Variants in HERC2 observed in about 807,000 individuals in gnomAD.
HERC2 encodes the protein E3 ubiquitin-protein ligase HERC2.
A neutral mutation model predicts 537.7 loss-of-function variants in HERC2; 102 were observed. The ratio of observed to expected loss-of-function variants is 0.19; its 90% CI spans 0.16 to 0.22. The LOEUF is 0.22. Among genes scored for constraint, HERC2 ranks in the 10% least tolerant of loss-of-function variants. The pLI is 1.00. For missense variants in HERC2, 4,236 were observed against 6,198.2 expected (o/e 0.68, Z 10.63); for synonymous variants, 2,224 against 2,466.2 (o/e 0.90, Z 2.91).
intron 2 of HERC2, among the ~76,000 whole-genome samples, chr15:28,310,737 C>T (rs1398931592): frequency 7.2e-5 from 11 of 151,982 alleles, no homozygotes; most frequent in African/African-American, 2.2e-4. Context: ...ACATTTGACC[C>T]GTGTCTTAAA....
At chr15:28,184,752 C>T (rs1348066211) in intron 56 of HERC2, among the ~76,000 whole-genome samples, 2 of 151,400 alleles carry the variant, frequency 1.3e-5, no homozygotes, top group Non-Finnish European at 2.9e-5. Context: ...GTCCCAGCTA[C>T]TCAGGAGGCT....
chr15:28,113,634 A>G lies in HERC2; in HGVS notation c.13958T>C (p.Met4653Thr). 8 of 1,614,194 alleles carry G rather than the reference A, an allele frequency of 5.0e-6. No homozygotes were observed. Among genetic ancestry groups the G allele is most frequent in the Non-Finnish European group, 5.9e-6 (7 of 1,180,034 alleles). The change falls in exon 91 of 93, where the codon ATG (methionine) becomes ACG (threonine). Residue 4653 changes from methionine (M) to threonine (T), a missense_variant. Transcript: ENST00000261609. This position sits in a 1 kb window ranked among gnomAD's most constrained non-coding sequence, Gnocchi z 7.0. Reference sequence around the variant, plus strand: ...GAGGGGAACAGGCACAACGCGGGCCATTCCTTCCCGAACAGCAGCCACCTG... The same window carrying G: ...GAGGGGAACAGGCACAACGCGGGCCGTTCCTTCCCGAACAGCAGCCACCTG... ...DEQVAAVREG[M>T]ARVVPVPLLS...
chr15:28,195,196 ATAAT>A (rs2140295529), intron 52 of HERC2, among the ~76,000 whole-genome samples: 1 of 152,362 alleles, frequency 6.6e-6, no homozygotes, highest in South Asian at 2.1e-4. Flanking sequence ...AATAGATGTT[ATAAT>A]TAATATCTTC....
Position 28,257,267 on chromosome 15 carries a change from A to G in HERC2, c.2317-6T>C. The G allele has an allele frequency of 6.2e-7, 1 of 1,612,628 alleles. No individual in the cohort carries two copies. The highest frequency in any genetic ancestry group is 1.3e-5 in the African/African-American group (1 of 75,016). ...CATGATGACCAAGCAAAGCTCTAAG[A>G]GGAAACGCAACAATCTAAAATGAAT... On this transcript the variant is annotated splice_region_variant and splice_polypyrimidine_tract_variant and intron_variant, in intron 16 of 92. Transcript: ENST00000261609.
chr15:28,144,641 C>T (rs772829804), intron 72 of HERC2, 32 bp downstream of exon 72: 1 of 1,614,146 alleles, frequency 6.2e-7, no homozygotes, highest in Non-Finnish European at 8.5e-7. Context: ...AGCCAGTCAT[C>T]TAACCTTGAT....
rs184728154 is a variant in HERC2, at chr15:28,112,379, C to T, written c.14233-344G>A. 5.0e-4 allele frequency among the ~76,000 whole-genome samples: 76 copies of T among 152,258 alleles called. No individual in the cohort carries two copies. In the East Asian group the frequency reaches 9.7e-3, roughly 19 times the overall value. ...ATGAGTCTACCAGCCCAACTTTGACCCCTACAGATTAAGATACTAGGAAAC... is the reference window on the plus strand; with the variant it reads ...ATGAGTCTACCAGCCCAACTTTGACTCCTACAGATTAAGATACTAGGAAAC... On this transcript the variant is annotated intron_variant, in intron 92 of 92. Coordinates refer to ENST00000261609, the MANE Select transcript of HERC2 (RefSeq NM_004667.6).
chr15:28,277,167 A>G (rs932490997), intron 5 of HERC2, among the ~76,000 whole-genome samples: 2 of 152,216 alleles, frequency 1.3e-5, no homozygotes, highest in African/African-American at 4.8e-5. Flanking sequence ...AGTGGTTGCC[A>G]GCAGTTAAGG....
intron 66 of HERC2, 34 bp downstream of exon 66, chr15:28,169,450 T>C: frequency 3.4e-6 from 5 of 1,491,960 alleles, no homozygotes; most frequent in Non-Finnish European, 4.6e-6. Flanking sequence ...GCTCACATAA[T>C]TGCAGAATTT....
intron 2 of HERC2, among the ~76,000 whole-genome samples, chr15:28,302,005 G>A (rs1596442992): frequency 6.7e-6 from 1 of 149,058 alleles, no homozygotes. Flanking sequence ...TCACCGTGTT[G>A]GCCAGGATGG....
intron 44 of HERC2, among the ~76,000 whole-genome samples, chr15:28,206,827 G>A (rs1453088642): frequency 6.1e-5 from 6 of 97,828 alleles, no homozygotes; most frequent in Admixed American, 3.5e-4. Context: ...ACCAAGACTC[G>A]GTCTCAAAAA....
At chr15:28,133,511 T>G (rs1890314608) in intron 79 of HERC2, among the ~76,000 whole-genome samples, 2 of 152,226 alleles carry the variant, frequency 1.3e-5, no homozygotes, top group Non-Finnish European at 2.9e-5. Context: ...TCTAAAAATC[T>G]TTTCTGACCT....
rs758047892 is a variant in HERC2, at chr15:28,265,596, G to T, written c.1870+22C>A. 6.3e-7 allele frequency: 1 copy of T among 1,597,956 alleles called. No individual in the cohort carries two copies. The highest frequency in any genetic ancestry group is 8.6e-7 in the Non-Finnish European group (1 of 1,166,300). On this transcript the variant is annotated intron_variant, in intron 14 of 92. Transcript: ENST00000261609. The surrounding 1 kb of genome is among the most constrained non-coding windows in gnomAD (Gnocchi z 4.0). ...ATGCGTGTCCTCGTGGGCCTGTCCA[G>T]GGTGGCGAGAGCTCTACGTACCGTT...
chr15:28,220,456 G>A lies in HERC2; in HGVS notation c.5841C>T (p.Asp1947=). ...ACACCTTCCTGAGTCACCCACCAGAGTCATCCTCTGTGTCCGAATCCTCTG... is the reference window on the plus strand; with the variant it reads ...ACACCTTCCTGAGTCACCCACCAGAATCATCCTCTGTGTCCGAATCCTCTG... The part of the protein sequence containing the change: ...PSAEDSDTED[D]SEAEQTERNI... Residue 1947 remains aspartate (D), a synonymous_variant, in exon 37 of 93, where the codon GAC becomes GAT. Coordinates refer to ENST00000261609, the MANE Select transcript of HERC2 (RefSeq NM_004667.6). 6.2e-7 allele frequency: 1 copy of A among 1,606,844 alleles called. No individual in the cohort carries two copies. Among genetic ancestry groups the A allele is most frequent in the South Asian group, 1.1e-5 (1 of 90,996 alleles).
At chr15:28,256,638 A>G (rs2075271003) in intron 17 of HERC2, among the ~76,000 whole-genome samples, 1 of 152,156 alleles carries the variant, frequency 6.6e-6, no homozygotes, top group Non-Finnish European at 1.5e-5. Context: ...CAACTCAACC[A>G]AAAAAGCTGC....
intron 34 of HERC2, 125 bp from the exon 35 acceptor site, chr15:28,228,534 T>C (rs951630427): frequency 3.4e-6 from 3 of 884,118 alleles, no homozygotes; most frequent in African/African-American, 1.6e-5. Flanking sequence ...TTCTTCTGCA[T>C]GGATGCAAGA....
In HERC2 at chr15:28,222,103, T is replaced by A. The variant is rs200997244; in HGVS notation, c.5577A>T (p.Ser1859=). 2.3e-3 allele frequency: 2,178 copies of A among 962,216 alleles called. 19 individuals carry two copies. The highest frequency in any genetic ancestry group is 1.6e-3 in the Non-Finnish European group (922 of 586,506). The allele number at this position is 962,216 out of a possible 1,614,324, so 59.6% of individuals were successfully genotyped here. Residue 1859 remains serine (S), a synonymous_variant, in exon 36 of 93, where the codon TCA becomes TCT. Coordinates refer to ENST00000261609, the MANE Select transcript of HERC2 (RefSeq NM_004667.6). ...TCATCATGGCAGCCAGTTCTGGTCC[T>A]GAAACAGGGAGCTGCACAGGAGCCG... ...KETAPVQLPV[S]GPELAAMMKI...
chr15:28,229,739 C>G lies in HERC2; in HGVS notation c.4918G>C (p.Ala1640Pro), dbSNP rs775600405. The change falls in exon 32 of 93, where the codon GCT (alanine) becomes CCT (proline). Residue 1640 changes from alanine (A) to proline (P), a missense_variant. Transcript: ENST00000261609. ...GGCTCTTCTTTAAGGGCAAATTCAG[C>G]AATTGTACTGAGGAGTGGAGACTGC... ...YPQSPLLSTI[A>P]EFALKEEPVD... The G allele has an allele frequency of 2.5e-6, 4 of 1,608,188 alleles. No individual in the cohort carries two copies. In the Admixed American group the frequency reaches 6.7e-5, roughly 27 times the overall value.
chr15:28,188,757 AG>A (rs1258598373), intron 55 of HERC2, among the ~76,000 whole-genome samples: 1 of 152,070 alleles, frequency 6.6e-6, no homozygotes, highest in East Asian at 1.9e-4. Flanking sequence ...CAGGTTTGTG[AG>A]GGTTCCAGCA....
At chr15:28,292,652 A>C (rs1450049345) in intron 4 of HERC2, among the ~76,000 whole-genome samples, 2 of 152,182 alleles carry the variant, frequency 1.3e-5, no homozygotes, top group Non-Finnish European at 2.9e-5. Flanking sequence ...TCTGTCTCTA[A>C]TTAGTCAAGC....
Sources: allele counts gnomAD v4.1 joint callset (sites outside exome capture counted in the v4.1 genomes callset), GRCh38; gene constraint gnomAD v4.1.1; non-coding constraint Gnocchi (gnomAD v3.1); transcripts MANE v1.5; gene names NCBI Gene and HGNC (gene_info 2026-07-23, HGNC 2026-07-21).